NRG1: variants seen among roughly 807,000 people sequenced by gnomAD.
The protein encoded by NRG1 is neuregulin 1, also known as pro-neuregulin-1, membrane-bound isoform.
In NRG1, 18 loss-of-function variants were observed where a neutral mutation model predicts 63.8. That is an observed-to-expected ratio of 0.28 (90% CI 0.19 to 0.42). The LOEUF is 0.42. NRG1 is among the 10% of genes least tolerant of loss of function. NRG1 has a pLI of 1.00. For missense variants in NRG1, 762 were observed against 814.7 expected (o/e 0.94, Z 0.79); for synonymous variants, 302 against 301.3 (o/e 1.00, Z -0.02).
chr8:32,109,306 G>C lies in NRG1; in HGVS notation c.37+469875G>C, dbSNP rs1477535205. ...ATAGAGGCACAATAGATCATGATTA[G>C]CTCTGGGCATGTTCACAGTTTAGCT... On this transcript the variant is annotated intron_variant, in intron 1 of 10. Transcript: ENST00000519301. Among the ~76,000 whole-genome samples, 4 of 152,136 alleles carry C rather than the reference G, an allele frequency of 2.6e-5. No homozygotes were observed. The South Asian group carries it at 6.2e-4, about 24-fold the overall frequency.
chr8:32,764,386 A>G (rs1831248265), exon 12 of NRG1: 1 of 1,583,622 alleles, frequency 6.3e-7, no homozygotes, highest in African/African-American at 1.4e-5. Flanking sequence ...GCTAACCAAG[A>G]CCCTATTGCT....
intron 1 of NRG1, among the ~76,000 whole-genome samples, chr8:32,529,081 G>A (rs552916022): frequency 6.6e-6 from 1 of 152,296 alleles, no homozygotes; most frequent in Admixed American, 6.5e-5. Context: ...CACAAACCTA[G>A]ATGGTATAGT....
intron 1 of NRG1, among the ~76,000 whole-genome samples, chr8:31,947,774 T>C (rs1160637209): frequency 1.3e-5 from 2 of 151,678 alleles, no homozygotes; most frequent in Non-Finnish European, 2.9e-5. Context: ...TGAAACCCCG[T>C]CTCTAGTAAA....
At chr8:32,256,009 A>C (rs1490549928) in intron 1 of NRG1, among the ~76,000 whole-genome samples, 1 of 152,144 alleles carries the variant, frequency 6.6e-6, no homozygotes, top group Non-Finnish European at 1.5e-5. Flanking sequence ...TCAGCTGTCG[A>C]TACTTGTGTA....
chr8:32,251,932 T>C (rs562234525), intron 1 of NRG1, among the ~76,000 whole-genome samples: 2 of 152,174 alleles, frequency 1.3e-5, no homozygotes, highest in Non-Finnish European at 2.9e-5. Context: ...TGATGATGAG[T>C]TGCATTTCTC....
intron 1 of NRG1, among the ~76,000 whole-genome samples, chr8:32,318,038 A>C (rs1250552332): frequency 6.6e-6 from 1 of 152,230 alleles, no homozygotes; most frequent in Non-Finnish European, 1.5e-5. Context: ...GAAGACATAG[A>C]TAAAATATTA....
chr8:32,123,633 A>T (rs1481383431), intron 1 of NRG1, among the ~76,000 whole-genome samples: 1 of 148,682 alleles, frequency 6.7e-6, no homozygotes, highest in Admixed American at 6.8e-5. Context: ...TTGTGCATTT[A>T]TATATCATAA....
At chr8:32,593,651 CTAAA>C (rs201540436) in intron 1 of NRG1, among the ~76,000 whole-genome samples, 11 of 151,590 alleles carry the variant, frequency 7.3e-5, no homozygotes, top group South Asian at 2.1e-4. Flanking sequence ...AAGATCCTGT[CTAAA>C]TAAATAAATA....
At chr8:32,186,447 C>T (rs1340811034) in intron 1 of NRG1, among the ~76,000 whole-genome samples, 1 of 129,158 alleles carries the variant, frequency 7.7e-6, no homozygotes, top group African/African-American at 3.0e-5. Context: ...GGTGACAGAG[C>T]GAGACTCCGT....
At chr8:32,030,165 TAAG>T (rs776841397) in intron 1 of NRG1, among the ~76,000 whole-genome samples, 13 of 152,202 alleles carry the variant, frequency 8.5e-5, no homozygotes, top group Non-Finnish European at 1.3e-4. Context: ...ACAGTGCACA[TAAG>T]AAGATCTTCA....
intron 5 of NRG1, chr8:32,646,701 G>C (rs1853624152): frequency 1.0e-6 from 1 of 985,250 alleles, no homozygotes; most frequent in South Asian, 4.7e-5. Flanking sequence ...GAAAGAAAAA[G>C]GAGGAAAACG....
chr8:32,633,557 G>A (rs981387366), intron 5 of NRG1, among the ~76,000 whole-genome samples: 9 of 152,110 alleles, frequency 5.9e-5, no homozygotes, highest in African/African-American at 2.2e-4. Flanking sequence ...AATAAACAGT[G>A]TTTCCTGACA....
intron 1 of NRG1, among the ~76,000 whole-genome samples, chr8:31,752,315 G>A (rs1304138782): frequency 6.6e-6 from 1 of 152,038 alleles, no homozygotes; most frequent in Middle Eastern, 3.2e-3. Flanking sequence ...GGAGCTAAGT[G>A]GGCAAGATGA....
At chr8:32,702,033 A>G (rs1199074198) in intron 5 of NRG1, among the ~76,000 whole-genome samples, 1 of 152,188 alleles carries the variant, frequency 6.6e-6, no homozygotes, top group East Asian at 1.9e-4. Flanking sequence ...CTCTTTTTGT[A>G]AAAGTAACAA....
chr8:31,831,377 A>G (rs1334794723), intron 1 of NRG1, among the ~76,000 whole-genome samples: 1 of 152,154 alleles, frequency 6.6e-6, no homozygotes, highest in Non-Finnish European at 1.5e-5. Context: ...TGCTGGGATT[A>G]CAAATATGAG....
At chr8:32,150,681 C>G (rs1837407313) in intron 1 of NRG1, among the ~76,000 whole-genome samples, 1 of 152,112 alleles carries the variant, frequency 6.6e-6, no homozygotes, top group African/African-American at 2.4e-5. Context: ...GTTATAGCAG[C>G]CCAAACAGAC....
chr8:31,849,774 C>T (rs1372949044), intron 1 of NRG1, among the ~76,000 whole-genome samples: 1 of 152,120 alleles, frequency 6.6e-6, no homozygotes, highest in Non-Finnish European at 1.5e-5. Context: ...TGTTTAGTAG[C>T]AGTTTGCTGG....
rs755859741 is a variant in NRG1 at position 32,764,417 on chromosome 8, CAT to C, written c.*17_*18del. The C allele has an allele frequency of 1.3e-4, 191 of 1,521,432 alleles. No individual in the cohort carries two copies. The African/African-American group carries it at 2.1e-3, about 17-fold the overall frequency. The allele number at this position is 1,521,432 out of a possible 1,614,324, so 94.2% of individuals were successfully genotyped here. On this transcript the variant is annotated 3_prime_UTR_variant, in exon 12 of 12. Transcript: ENST00000356819. ...TTGCTGTATAAAACCTAAATAAACA[CAT>C]AGATTCACCTGTAAAACTTTATTTT...
chr8:31,685,146 G>A (rs1356667199), intron 1 of NRG1, among the ~76,000 whole-genome samples: 3 of 152,078 alleles, frequency 2.0e-5, no homozygotes, highest in African/African-American at 7.2e-5. Flanking sequence ...GAGCTTGGAG[G>A]GGAAATGGCC....
Sources: gnomAD v4.1 joint callset for allele counts (sites outside exome capture counted in the v4.1 genomes callset) on GRCh38, gnomAD v4.1.1 for gene constraint, MANE v1.5 for transcripts, NCBI Gene and HGNC (gene_info 2026-07-23, HGNC 2026-07-21) for gene names.